CFAP20DC: variants seen among roughly 807,000 people sequenced by gnomAD.
CFAP20DC encodes the protein CFAP20 domain containing.
In CFAP20DC, 84 loss-of-function variants were observed where a neutral mutation model predicts 101.7. The ratio of observed to expected loss-of-function variants is 0.83; its 90% CI spans 0.69 to 0.99. The LOEUF (loss-of-function observed/expected upper bound fraction) is 0.99, where lower values mean the gene tolerates loss of function less well. Among genes scored for constraint, CFAP20DC ranks in the 50% least tolerant of loss-of-function variants. CFAP20DC has a pLI of 0.00. For synonymous variants in CFAP20DC, 359 were observed against 351.2 expected, an observed-to-expected ratio of 1.02 and a Z score of -0.25; for missense variants, 1,007 against 970.3, an observed-to-expected ratio of 1.04 and a Z score of -0.50.
chr3:58,871,230 G>T (rs1264592272), intron 7 of CFAP20DC, among the ~76,000 whole-genome samples: 5 of 152,138 alleles, frequency 3.3e-5, no homozygotes, highest in Non-Finnish European at 7.4e-5. Flanking sequence ...CAGAGTAAAG[G>T]CATGGAAGAA....
chr3:58,807,457 G>C (rs1171883187), intron 14 of CFAP20DC, among the ~76,000 whole-genome samples: 1 of 152,142 alleles, frequency 6.6e-6, no homozygotes, highest in East Asian at 1.9e-4. Flanking sequence ...AGGCAAATAG[G>C]GTCTGGAGTG....
intron 4 of CFAP20DC, among the ~76,000 whole-genome samples, chr3:59,000,162 C>T (rs1432486238): frequency 6.6e-6 from 1 of 152,184 alleles, no homozygotes; most frequent in East Asian, 1.9e-4. Flanking sequence ...TCTGAAAACA[C>T]ACATACTTTA....
Position 58,851,183 on chromosome 3 carries a change from T to C in CFAP20DC, c.1594-1774A>G, listed in dbSNP as rs375191946. Among the ~76,000 whole-genome samples, 42 of 152,262 alleles carry C rather than the reference T, an allele frequency of 2.8e-4. 1 individual carries two copies. In the South Asian group the frequency reaches 8.7e-3, roughly 32 times the overall value. On this transcript the variant is annotated intron_variant, in intron 12 of 16. Coordinates refer to ENST00000482387, the MANE Select transcript of CFAP20DC (RefSeq NM_001394063.1). Reference sequence around the variant, plus strand: ...GTATTCTGAAGGCAAAGAGGAGTCATTGTGTGAAGTAGGGGAATGTCACAA... The same window carrying C: ...GTATTCTGAAGGCAAAGAGGAGTCACTGTGTGAAGTAGGGGAATGTCACAA...
At chr3:58,998,968 G>T in intron 4 of CFAP20DC, among the ~76,000 whole-genome samples, 1 of 152,332 alleles carries the variant, frequency 6.6e-6, no homozygotes, top group South Asian at 2.1e-4. Context: ...CTGGTGGACA[G>T]TTAAACTCCA....
intron 5 of CFAP20DC, among the ~76,000 whole-genome samples, chr3:58,932,208 A>T (rs2086807310): frequency 1.3e-5 from 2 of 152,204 alleles, no homozygotes; most frequent in South Asian, 4.1e-4. Context: ...TGAAGTGAGT[A>T]GGGAAGTTTA....
intron 6 of CFAP20DC, among the ~76,000 whole-genome samples, chr3:58,903,382 T>C (rs2083318656): frequency 6.6e-6 from 1 of 152,214 alleles, no homozygotes; most frequent in Non-Finnish European, 1.5e-5. Context: ...CAGAATCATC[T>C]GTTGAAGAGA....
At chr3:58,896,154 C>G (rs1380040958) in intron 6 of CFAP20DC, among the ~76,000 whole-genome samples, 1 of 152,150 alleles carries the variant, frequency 6.6e-6, no homozygotes, top group Non-Finnish European at 1.5e-5. Context: ...TTATCCATTT[C>G]TACTGGATTT....
rs369613102 is a variant in CFAP20DC at position 58,742,498 on chromosome 3, A to T, written c.2407T>A (p.Phe803Ile). ...LLYDPCLNCY[F>I]DPQTGKYYEL... ...TAGTATTTCCCTGTTTGGGGGTCAA[A>T]GTAACAGTTCAGACAAGGGTCATAC... The change falls in exon 17 of 17, where the codon TTT (phenylalanine) becomes ATT (isoleucine). Residue 803 changes from phenylalanine (F) to isoleucine (I), a missense_variant. Physicochemically the swap from Phe to Ile is conservative, Grantham distance 21. Transcript: ENST00000482387. 3.7e-6 allele frequency: 6 copies of T among 1,607,768 alleles called. No homozygotes were observed. The highest frequency in any genetic ancestry group is 5.1e-6 in the Non-Finnish European group (6 of 1,176,910).
intron 5 of CFAP20DC, among the ~76,000 whole-genome samples, chr3:58,927,340 C>A (rs938532354): frequency 6.6e-6 from 1 of 152,096 alleles, no homozygotes; most frequent in South Asian, 2.1e-4. Flanking sequence ...GTGGACCATT[C>A]GGCAATTATC....
At chr3:58,870,111 A>G in intron 8 of CFAP20DC, 62 bp downstream of exon 8, 1 of 691,512 alleles carries the variant, frequency 1.4e-6, no homozygotes, top group Non-Finnish European at 2.4e-6. Context: ...CTACAAGGGG[A>G]AGACACTCTT....
At chr3:59,017,371 C>T (rs2093710439) in intron 4 of CFAP20DC, 1 of 152,096 alleles carries the variant, frequency 6.6e-6, no homozygotes, top group Admixed American at 6.6e-5. Context: ...GATTGAAGCT[C>T]CCGCTGTGCT....
chr3:58,747,343 G>A (rs183224091), intron 16 of CFAP20DC, among the ~76,000 whole-genome samples: 112 of 152,176 alleles, frequency 7.4e-4, no homozygotes, highest in Non-Finnish European at 1.0e-3. Flanking sequence ...AGATCAGCTC[G>A]GGTAAATAAT....
At chr3:58,831,093 C>T (rs1354721848) in intron 14 of CFAP20DC, among the ~76,000 whole-genome samples, 1 of 152,192 alleles carries the variant, frequency 6.6e-6, no homozygotes, top group Non-Finnish European at 1.5e-5. Context: ...AGACTAAGAC[C>T]TGTTCCAACT....
chr3:59,004,870 T>C (rs1490460797), intron 4 of CFAP20DC, among the ~76,000 whole-genome samples: 1 of 152,164 alleles, frequency 6.6e-6, no homozygotes, highest in Non-Finnish European at 1.5e-5. Context: ...CAGAACTCTG[T>C]CTCCAACATC....
intron 4 of CFAP20DC, among the ~76,000 whole-genome samples, chr3:59,009,113 A>G (rs1178690459): frequency 6.6e-6 from 1 of 152,168 alleles, no homozygotes; most frequent in Non-Finnish European, 1.5e-5. Context: ...ATTAGGCTAA[A>G]ATAAACATCA....
intron 4 of CFAP20DC, among the ~76,000 whole-genome samples, chr3:58,943,744 C>T (rs1278339100): frequency 6.6e-6 from 1 of 152,014 alleles, no homozygotes; most frequent in East Asian, 1.9e-4. Flanking sequence ...GACAGAAGTA[C>T]GCTTCAGAAG....
chr3:58,855,437 C>T (rs1258316579), intron 12 of CFAP20DC, among the ~76,000 whole-genome samples: 6 of 152,236 alleles, frequency 3.9e-5, no homozygotes, highest in African/African-American at 1.2e-4. Flanking sequence ...GGCGATTCCT[C>T]AGGGATCTAG....
chr3:58,802,193 C>T (rs2073760461), intron 15 of CFAP20DC, among the ~76,000 whole-genome samples: 1 of 152,202 alleles, frequency 6.6e-6, no homozygotes, highest in African/African-American at 2.4e-5. Context: ...AGAATCTACA[C>T]AAGCATCTAA....
rs2073480543 is a variant in CFAP20DC at position 58,799,160 on chromosome 3, G to A, written c.2237+7235C>T. Among the ~76,000 whole-genome samples, 1 of 151,940 alleles carries A rather than the reference G, an allele frequency of 6.6e-6. No individual in the cohort carries two copies. The highest frequency in any genetic ancestry group is 1.5e-5 in the Non-Finnish European group (1 of 68,012). On this transcript the variant is annotated intron_variant, in intron 15 of 16. Transcript: ENST00000482387. The surrounding 1 kb of genome is among the most constrained non-coding windows in gnomAD (Gnocchi z 4.9). ...ATTCTATTAGCCTGGTGAGAACTGA[G>A]TACACCTTCTGCAGCAGTGGCAACC...
Sources: allele counts gnomAD v4.1 joint callset (sites outside exome capture counted in the v4.1 genomes callset), GRCh38; gene constraint gnomAD v4.1.1; non-coding constraint Gnocchi (gnomAD v3.1); transcripts MANE v1.5; gene names NCBI Gene and HGNC (gene_info 2026-07-23, HGNC 2026-07-21).